The following KIFC1 variants were observed in gnomAD, a reference collection of about 807,000 sequenced individuals.
KIFC1 encodes the protein kinesin family member C1.
In KIFC1, 37 loss-of-function variants were observed where a neutral mutation model predicts 66.6. The ratio of observed to expected loss-of-function variants is 0.56; its 90% confidence interval spans 0.43 to 0.73. The LOEUF is 0.73. KIFC1 is among the 30% of genes least tolerant of loss of function. KIFC1 has a pLI of 0.00. For missense variants in KIFC1, 721 were observed against 859.8 expected, an observed-to-expected ratio of 0.84 and a Z score of 2.02; for synonymous variants, 325 against 343.5, an observed-to-expected ratio of 0.95 and a Z score of 0.60.
intron 3 of KIFC1, among the ~76,000 whole-genome samples, chr6:33,398,869 A>G (rs1775228161): frequency 6.6e-6 from 1 of 152,120 alleles, no homozygotes. Context: ...CAGCCACCCA[A>G]TTCTGCTACC....
intron 1 of KIFC1, among the ~76,000 whole-genome samples, chr6:33,396,631 C>T (rs1581906227): frequency 1.3e-5 from 2 of 151,546 alleles, no homozygotes; most frequent in East Asian, 3.9e-4. Flanking sequence ...CCTAGCTTAG[C>T]CCTCAAGCTT....
At chr6:33,397,879 C>A in intron 1 of KIFC1, 150 bp from the exon 2 acceptor site, 1 of 798,750 alleles carries the variant, frequency 1.3e-6, no homozygotes, top group East Asian at 2.5e-5. Context: ...CACTTCTGTT[C>A]ATGCTGTCTG....
rs766325032 is a variant in KIFC1, at chr6:33,403,443, C to A, written c.305-42C>A. On this transcript the variant is annotated intron_variant, in intron 4 of 10. Coordinates refer to ENST00000428849, the MANE Select transcript of KIFC1 (RefSeq NM_002263.4). This position sits in a 1 kb window ranked among gnomAD's most constrained non-coding sequence, Gnocchi z 4.6. ...AGGGAGAATGATGGAGGTGGAGGGACACTGGTCCTGTAATTCCTAAGTCAC... is the reference window on the plus strand; with the variant it reads ...AGGGAGAATGATGGAGGTGGAGGGAAACTGGTCCTGTAATTCCTAAGTCAC... 49 of 1,609,854 alleles carry A rather than the reference C, an allele frequency of 3.0e-5. No homozygotes were observed. The highest frequency in any genetic ancestry group is 4.0e-5 in the African/African-American group (3 of 74,814).
At chr6:33,397,058 C>T (rs1775088598) in intron 1 of KIFC1, among the ~76,000 whole-genome samples, 4 of 141,804 alleles carry the variant, frequency 2.8e-5, no homozygotes, top group Admixed American at 7.6e-5. Context: ...GTTGTGATCT[C>T]GGCTCACCGC....
chr6:33,399,179 G>A (rs764921164), intron 3 of KIFC1, among the ~76,000 whole-genome samples: 15 of 151,744 alleles, frequency 9.9e-5, no homozygotes, highest in Non-Finnish European at 1.9e-4. Context: ...CCTGAGGTCC[G>A]GAGTTCCAGA....
chr6:33,403,710 C>T lies in KIFC1; in HGVS notation c.356-19C>T, dbSNP rs935042505. ...AGCCTAGACTTCACTGACCTTTGTC[C>T]TTTCTGTGTTCATCTTAGCATCAGG... On this transcript the variant is annotated intron_variant, in intron 5 of 10. Transcript: ENST00000428849. This position sits in a 1 kb window ranked among gnomAD's most constrained non-coding sequence, Gnocchi z 4.6. The T allele has an allele frequency of 6.2e-7, 1 of 1,606,898 alleles. No homozygotes were observed. Among genetic ancestry groups the T allele is most frequent in the South Asian group, 1.1e-5 (1 of 90,116 alleles).
chr6:33,404,100 G>A lies in KIFC1; in HGVS notation c.727G>A (p.Gly243Arg). ...GGTGGAATTGCAGGAAGAACGGAGG[G>A]GACTGATGTCCCAACTAGAGGAGAA... The part of the protein sequence containing the change: ...KQVELQEERR[G>R]LMSQLEEKER... Residue 243 changes from glycine (G) to arginine (R), a missense_variant, in exon 6 of 11, where the codon GGA (glycine) becomes AGA (arginine). Transcript: ENST00000428849. The surrounding 1 kb of genome is among the most constrained non-coding windows in gnomAD (Gnocchi z 4.0). 4.3e-6 allele frequency: 7 copies of A among 1,613,298 alleles called. No individual in the cohort carries two copies. The highest frequency in any genetic ancestry group is 5.9e-6 in the Non-Finnish European group (7 of 1,179,604).
Position 33,409,734 on chromosome 6 carries a change from TG to T in KIFC1, c.*45del, listed in dbSNP as rs780480282. On this transcript the variant is annotated 3_prime_UTR_variant, in exon 11 of 11. Coordinates refer to ENST00000428849, the MANE Select transcript of KIFC1 (RefSeq NM_002263.4). ...GTGTGTGTGTGTGTGTGTGTGTGTG[TG>T]TGTGTGTGTGTGTGTGTGTCCCTAT... 320 of 1,463,656 alleles carry T rather than the reference TG, an allele frequency of 2.2e-4. 2 individuals are homozygous for T. The highest frequency in any genetic ancestry group is 2.8e-4 in the Non-Finnish European group (298 of 1,057,748). The allele number at this position is 1,463,656 out of a possible 1,614,324, so 90.7% of individuals were successfully genotyped here.
At chr6:33,391,572 A>G (rs1774781304), upstream of KIFC1, 2 of 247,216 alleles carry the variant, frequency 8.1e-6, no homozygotes, top group Non-Finnish European at 1.6e-5. Context: ...GTAGCGAGCG[A>G]CGGCGGGGAG....
At chr6:33,395,215 C>T (rs759272870) in intron 1 of KIFC1, among the ~76,000 whole-genome samples, 9 of 152,062 alleles carry the variant, frequency 5.9e-5, no homozygotes, top group Non-Finnish European at 8.8e-5. Flanking sequence ...AGTTTTGCTG[C>T]GAAAGGCGGC....
Position 33,401,922 on chromosome 6 carries a change from G to T in KIFC1, c.251-1392G>T, listed in dbSNP as rs1016555888. 1.3e-5 allele frequency among the ~76,000 whole-genome samples: 2 copies of T among 152,098 alleles called. No individual in the cohort carries two copies. Among genetic ancestry groups the T allele is most frequent in the Admixed American group, 6.6e-5 (1 of 15,260 alleles). ...GGGTTTCACCGTGTTAGCCAGGATGGTCTCAATCTCCTGACCCCTTGATCT... is the reference window on the plus strand; with the variant it reads ...GGGTTTCACCGTGTTAGCCAGGATGTTCTCAATCTCCTGACCCCTTGATCT... On this transcript the variant is annotated intron_variant, in intron 3 of 10. Coordinates refer to ENST00000428849, the MANE Select transcript of KIFC1 (RefSeq NM_002263.4). This position sits in a 1 kb window ranked among gnomAD's most constrained non-coding sequence, Gnocchi z 4.5.
At chr6:33,397,993 C>A (rs1205213390) in intron 1 of KIFC1, 36 bp from the exon 2 acceptor site, 1 of 1,607,872 alleles carries the variant, frequency 6.2e-7, no homozygotes, top group African/African-American at 1.3e-5. Flanking sequence ...CATTTGGGCT[C>A]CTGGGTATTG....
In KIFC1 at chr6:33,392,010, G is replaced by A; in HGVS notation, c.12+13G>A. 2 of 1,613,416 alleles carry A rather than the reference G, an allele frequency of 1.2e-6. No homozygotes were observed. The highest frequency in any genetic ancestry group is 1.7e-6 in the Non-Finnish European group (2 of 1,179,854). On this transcript the variant is annotated intron_variant, in intron 1 of 10. Transcript: ENST00000428849. ...CATGGATCCGCAGGTGAGTAGGGGC[G>A]GCGCAGGTGTCCTGCCCTGGGGATG...
chr6:33,398,176 G>T lies in KIFC1; in HGVS notation c.150+10G>T. 1 of 1,614,156 alleles carries T rather than the reference G, an allele frequency of 6.2e-7. No individual in the cohort carries two copies. The highest frequency in any genetic ancestry group is 8.5e-7 in the Non-Finnish European group (1 of 1,180,018). ...CCTGGAGCCTGAGAAGGTGAGCTGG[G>T]CATGGAGAGCTGTGCATGTGTGTGG... On this transcript the variant is annotated intron_variant, in intron 2 of 10. Coordinates refer to ENST00000428849, the MANE Select transcript of KIFC1 (RefSeq NM_002263.4).
chr6:33,406,363 G>A lies in KIFC1; in HGVS notation c.1704G>A (p.Gly568=), dbSNP rs1405910690. The A allele has an allele frequency of 6.2e-7, 1 of 1,614,100 alleles. No homozygotes were observed. The highest frequency in any genetic ancestry group is 1.1e-5 in the South Asian group (1 of 91,078). The change falls in exon 8 of 11, where the codon GGG becomes GGA. Residue 568 remains glycine, a synonymous_variant. Transcript: ENST00000428849. This position sits in a 1 kb window ranked among gnomAD's most constrained non-coding sequence, Gnocchi z 4.5. The part of the protein sequence containing the change: ...GAPLSLVDLA[G]SERLDPGLAL... The stretch of plus-strand genomic sequence containing the variant: ...CCCTCAGTCTTGTGGACCTGGCCGG[G>A]AGTGAGCGACTTGACCCCGGCTTAG...
Position 33,405,297 on chromosome 6 carries a change from G to A in KIFC1, c.1202G>A (p.Gly401Asp). The change falls in exon 7 of 11, where the codon GGC (glycine) becomes GAC (aspartate). Residue 401 changes from glycine (G) to aspartate (D), a missense_variant. By Grantham distance (94) the Gly-to-Asp change is moderately conservative. Transcript: ENST00000428849. The surrounding 1 kb of genome is among the most constrained non-coding windows in gnomAD (Gnocchi z 5.4). ...IAMLVQSALD[G>D]YPVCIFAYGQ... is the part of the protein sequence containing the mutation. ...ATGCTTGTCCAGTCAGCCCTGGATG[G>A]CTATCCAGTATGCATCTTTGCCTAT... is the stretch of plus-strand genomic sequence containing the variant. The A allele has an allele frequency of 6.2e-7, 1 of 1,614,158 alleles. No individual in the cohort carries two copies. Among genetic ancestry groups the A allele is most frequent in the Non-Finnish European group, 8.5e-7 (1 of 1,180,046 alleles).
In KIFC1 at chr6:33,406,770, G is replaced by A. The variant is rs1775682526; in HGVS notation, c.1902-30G>A. On this transcript the variant is annotated intron_variant, in intron 9 of 10. Transcript: ENST00000428849. The surrounding 1 kb of genome is among the most constrained non-coding windows in gnomAD (Gnocchi z 4.5). ...TGTCCAGGCTCTGCTGGCCCCTAAT[G>A]CTGGGGTTGGGCACATTGTCTTTTC... The A allele has an allele frequency of 6.2e-7, 1 of 1,613,750 alleles. No individual in the cohort carries two copies. Among genetic ancestry groups the A allele is most frequent in the South Asian group, 1.1e-5 (1 of 91,082 alleles).
Position 33,404,396 on chromosome 6 carries a change from CTCTT to C in KIFC1, c.756+273_756+276del, listed in dbSNP as rs1775533759. ...CTGTGTCTTTCTTAGTCCTCCATCC[CTCTT>C]TCTTTGGGTTCCCATCCTGATCACA... is the stretch of plus-strand genomic sequence containing the variant. On this transcript the variant is annotated intron_variant, in intron 6 of 10. Coordinates refer to ENST00000428849, the MANE Select transcript of KIFC1 (RefSeq NM_002263.4). This position sits in a 1 kb window ranked among gnomAD's most constrained non-coding sequence, Gnocchi z 4.0. Among the ~76,000 whole-genome samples the C allele has an allele frequency of 2.6e-5, 4 of 152,168 alleles. No individual in the cohort carries two copies. Among genetic ancestry groups the C allele is most frequent in the Admixed American group, 2.6e-4 (4 of 15,280 alleles).
intron 3 of KIFC1, among the ~76,000 whole-genome samples, chr6:33,399,903 A>G (rs1482650277): frequency 6.6e-6 from 1 of 152,262 alleles, no homozygotes; most frequent in Non-Finnish European, 1.5e-5. Flanking sequence ...TTCTTTTATA[A>G]TAAATTAACC....
Sources: gnomAD v4.1 joint callset for allele counts (sites outside exome capture counted in the v4.1 genomes callset) on GRCh38, gnomAD v4.1.1 for gene constraint, Gnocchi (gnomAD v3.1) non-coding constraint, MANE v1.5 for transcripts, NCBI Gene and HGNC (gene_info 2026-07-23, HGNC 2026-07-21) for gene names.